Variants in LRRFIP1 observed in about 807,000 individuals in gnomAD.
LRRFIP1 encodes leucine-rich repeat flightless-interacting protein 1.
LRRFIP1 carries 62 observed loss-of-function variants against 104.4 expected under a neutral mutation model. That is an observed-to-expected ratio of 0.59 (90% CI 0.48 to 0.73). The LOEUF (loss-of-function observed/expected upper bound fraction) is 0.73. Ranked by LOEUF, LRRFIP1 falls within the 30% of genes least tolerant of loss-of-function variation. The pLI, the probability that LRRFIP1 is intolerant of heterozygous loss-of-function variation, is 0.00. For missense variants in LRRFIP1, 796 were observed against 824.5 expected, an observed-to-expected ratio of 0.97 and a Z score of 0.42; for synonymous variants, 300 against 299.0, an observed-to-expected ratio of 1.00 and a Z score of -0.03.
intron 1 of LRRFIP1, among the ~76,000 whole-genome samples, chr2:237,645,217 C>T (rs959682139): frequency 3.3e-5 from 5 of 152,206 alleles, no homozygotes; most frequent in South Asian, 2.1e-4. Context: ...GTCACCCTGA[C>T]GTATTCATCC....
chr2:237,727,080 G>A (rs544880231), intron 7 of LRRFIP1, among the ~76,000 whole-genome samples: 21 of 152,240 alleles, frequency 1.4e-4, no homozygotes, highest in Non-Finnish European at 2.6e-4. Context: ...TTCTGAGGCC[G>A]GGCGCGATGG....
intron 16 of LRRFIP1, among the ~76,000 whole-genome samples, chr2:237,756,967 G>A (rs1290423345): frequency 1.3e-5 from 2 of 151,610 alleles, no homozygotes; most frequent in Non-Finnish European, 2.9e-5. Flanking sequence ...TTGGAGCGAT[G>A]CGAGAGAGGG....
rs1378851443 is a variant in LRRFIP1 at position 237,703,972 on chromosome 2, A to G, written c.97-4572A>G. Among the ~76,000 whole-genome samples the G allele has an allele frequency of 6.6e-6, 1 of 151,674 alleles. No homozygotes were observed. Among genetic ancestry groups the G allele is most frequent in the African/African-American group, 2.4e-5 (1 of 41,214 alleles). On this transcript the variant is annotated intron_variant, in intron 1 of 23. Coordinates refer to ENST00000308482, the MANE Select transcript of LRRFIP1 (RefSeq NM_001137550.2). The surrounding 1 kb of genome is among the most constrained non-coding windows in gnomAD (Gnocchi z 4.3). ...TTATATTTTACAAAAGTGTCAGTCG[A>G]TAAAGGATTTGTCCTGCGCCACCGG...
chr2:237,692,265 C>T (rs1264234411), intron 1 of LRRFIP1: 7 of 1,156,568 alleles, frequency 6.1e-6, no homozygotes, highest in African/African-American at 1.6e-5. Context: ...CTGTCGGCCG[C>T]GCCCGAGCCC....
chr2:237,779,696 AG>A lies in LRRFIP1; in HGVS notation c.*165del, dbSNP rs1246703262. ...TCCCGTGCCATGGCTCACCCCAGGG[AG>A]CCCCAGCAGCCACCAGGTGCCTCTG... On this transcript the variant is annotated 3_prime_UTR_variant, in exon 24 of 24. Transcript: ENST00000308482. The A allele has an allele frequency of 1.8e-6, 1 of 554,474 alleles. No homozygotes were observed. The highest frequency in any genetic ancestry group is 3.1e-6 in the Non-Finnish European group (1 of 318,828). The allele number at this position is 554,474 out of a possible 1,614,324, so 34.3% of individuals were successfully genotyped here.
chr2:237,758,660 C>A, intron 17 of LRRFIP1, 69 bp from the exon 18 acceptor site: 1 of 1,058,658 alleles, frequency 9.4e-7, no homozygotes, highest in Non-Finnish European at 1.4e-6. Flanking sequence ...CCTTCTGGTT[C>A]CTGCTTCTGA....
At chr2:237,765,435 T>TAA (rs60482580) in intron 19 of LRRFIP1, 11,704 of 449,798 alleles carry the variant, frequency 0.026, 69 homozygotes, top group East Asian at 0.033. Context: ...ACACTGTCTC[T>TAA]AAAAAAAAAA....
Position 237,661,541 on chromosome 2 carries a change from T to G in LRRFIP1, c.96+33801T>G, listed in dbSNP as rs142860548. On this transcript the variant is annotated intron_variant, in intron 1 of 23. Transcript: ENST00000308482. This position sits in a 1 kb window ranked among gnomAD's most constrained non-coding sequence, Gnocchi z 4.4. ...CGCTCTCGGCCCCTGGTTCACCTTC[T>G]GTTCCTGCCCAGGGCAAACTGCCCT... 4.5e-4 allele frequency among the ~76,000 whole-genome samples: 69 copies of G among 152,372 alleles called. No homozygotes were observed. The highest frequency in any genetic ancestry group is 1.4e-3 in the African/African-American group (59 of 41,588).
chr2:237,715,607 T>C (rs147246979), intron 3 of LRRFIP1, among the ~76,000 whole-genome samples: 4 of 152,356 alleles, frequency 2.6e-5, no homozygotes, highest in African/African-American at 9.6e-5. Context: ...CACAGTTTTG[T>C]AGTAAAGGTG....
chr2:237,743,467 G>C (rs1404315012), intron 11 of LRRFIP1, among the ~76,000 whole-genome samples: 1 of 152,206 alleles, frequency 6.6e-6, no homozygotes, highest in East Asian at 1.9e-4. Flanking sequence ...GGAAAGCAGA[G>C]AGGGCATCAG....
intron 7 of LRRFIP1, among the ~76,000 whole-genome samples, chr2:237,727,185 G>A (rs1304600359): frequency 2.0e-5 from 3 of 151,838 alleles, no homozygotes; most frequent in Admixed American, 1.3e-4. Context: ...ATGAAACCCC[G>A]TCTCTACTAA....
At chr2:237,699,907 G>A (rs997095800) in intron 1 of LRRFIP1, among the ~76,000 whole-genome samples, 4 of 152,242 alleles carry the variant, frequency 2.6e-5, no homozygotes, top group Non-Finnish European at 4.4e-5. Context: ...AGTCATGGCC[G>A]TAGGGAAGGC....
At chr2:237,723,286 A>G (rs2094599259) in intron 6 of LRRFIP1, among the ~76,000 whole-genome samples, 1 of 152,202 alleles carries the variant, frequency 6.6e-6, no homozygotes, top group Non-Finnish European at 1.5e-5. Context: ...AGGAAATAAG[A>G]TTTATCAAAC....
At chr2:237,723,784 C>T (rs2094622337) in intron 7 of LRRFIP1, among the ~76,000 whole-genome samples, 198 bp downstream of exon 7, 1 of 152,232 alleles carries the variant, frequency 6.6e-6, no homozygotes, top group Non-Finnish European at 1.5e-5. Context: ...CCTGATCCTG[C>T]CGGAGGGGAG....
chr2:237,654,571 G>A (rs890985461), intron 1 of LRRFIP1, among the ~76,000 whole-genome samples: 33 of 146,854 alleles, frequency 2.2e-4, no homozygotes, highest in Non-Finnish European at 4.5e-4. Flanking sequence ...TTTTTTTTGA[G>A]ACAGAATCTC....
At chr2:237,654,872 C>T (rs1242327891) in intron 1 of LRRFIP1, among the ~76,000 whole-genome samples, 6 of 152,018 alleles carry the variant, frequency 3.9e-5, no homozygotes, top group Admixed American at 3.9e-4. Context: ...ATCTACACTC[C>T]CACATTCCCT....
At chr2:237,733,867 TG>T in intron 9 of LRRFIP1, 49 bp downstream of exon 9, 1 of 1,567,688 alleles carries the variant, frequency 6.4e-7, no homozygotes, top group Non-Finnish European at 8.7e-7. Flanking sequence ...CCACTGTGCA[TG>T]CACCGCCCCC....
intron 1 of LRRFIP1, among the ~76,000 whole-genome samples, chr2:237,652,634 A>G (rs2086127007): frequency 1.3e-5 from 2 of 152,260 alleles, no homozygotes; most frequent in Admixed American, 6.5e-5. Flanking sequence ...AGGTACTTGT[A>G]CAGCAGTGTT....
chr2:237,696,195 T>G (rs2093173511), intron 1 of LRRFIP1, among the ~76,000 whole-genome samples: 1 of 146,152 alleles, frequency 6.8e-6, no homozygotes, highest in Admixed American at 6.8e-5. Flanking sequence ...ACTCTTAATT[T>G]TAACCAAAAT....
Sources: gnomAD v4.1 joint callset for allele counts (sites outside exome capture counted in the v4.1 genomes callset) on GRCh38, gnomAD v4.1.1 for gene constraint, Gnocchi (gnomAD v3.1) non-coding constraint, MANE v1.5 for transcripts, NCBI Gene and HGNC (gene_info 2026-07-23, HGNC 2026-07-21) for gene names.